The following CCDC187 variants were observed in gnomAD, a reference collection of about 807,000 sequenced individuals.
The protein encoded by CCDC187 is coiled-coil domain containing 187.
In CCDC187, 32 loss-of-function variants were observed where a neutral mutation model predicts 38.0. The observed-to-expected ratio is 0.84, with a 90% CI of 0.64 to 1.13. The LOEUF is 1.13. CCDC187 is among the 50% of genes most tolerant of loss of function. The pLI is 0.00. For missense variants in CCDC187, 707 were observed against 786.8 expected (o/e 0.90, Z 1.21); for synonymous variants, 333 against 347.9 (o/e 0.96, Z 0.48).
Position 136,291,608 on chromosome 9 carries a change from C to T in CCDC187, c.1005G>A (p.Pro335=), listed in dbSNP as rs989279824. The T allele has an allele frequency of 1.5e-5, 6 of 398,786 alleles. No individual in the cohort carries two copies. The highest frequency in any genetic ancestry group is 3.6e-5 in the East Asian group (1 of 28,072). 24.7% of individuals were successfully genotyped at this position (398,786 alleles called of 1,614,324 possible). ...SEKVIAAKCS[P]VCAQLPDATS... ...TGGCATCGGGCAACTGGGCACAAAC[C>T]GGTGAGCACTTGGCAGCTATGACTT... is the stretch of plus-strand genomic sequence containing the variant. The change falls in exon 6 of 26, where the codon CCG becomes CCA. Residue 335 remains proline, a synonymous_variant. Transcript: ENST00000638797.
chr9:136,272,219 C>T lies in CCDC187; in HGVS notation c.3442+2439G>A, dbSNP rs143733020. Among the ~76,000 whole-genome samples the T allele has an allele frequency of 5.9e-3, 891 of 152,178 alleles. 6 individuals carry two copies. Among genetic ancestry groups the T allele is most frequent in the Middle Eastern group, 0.031 (9 of 294 alleles). On this transcript the variant is annotated intron_variant, in intron 14 of 25. Coordinates refer to ENST00000638797, the MANE Select transcript of CCDC187 (RefSeq NM_001378188.1). ...ATGCGGGTTAGAAATCTACATCTAC[C>T]GGAAGCAATGGAGAGCACCAGAAAT...
intron 4 of CCDC187, among the ~76,000 whole-genome samples, chr9:136,293,334 C>A (rs1831403131): frequency 6.7e-6 from 1 of 149,598 alleles, no homozygotes. Flanking sequence ...CATGCTTACA[C>A]ACTCACACTC....
At chr9:136,302,169 CAG>C (rs1396636454) in intron 2 of CCDC187, among the ~76,000 whole-genome samples, 1 of 152,040 alleles carries the variant, frequency 6.6e-6, no homozygotes, top group African/African-American at 2.4e-5. Flanking sequence ...GCCTGGGTGA[CAG>C]AGCGAGACTC....
upstream of CCDC187, among the ~76,000 whole-genome samples, chr9:136,304,645 A>G (rs1490607900): frequency 6.6e-6 from 1 of 151,980 alleles, no homozygotes; most frequent in Non-Finnish European, 1.5e-5. Flanking sequence ...CCTGAGGGGA[A>G]CTCAGACTCA....
intron 23 of CCDC187, 27 bp from the exon 24 acceptor site, chr9:136,256,350 T>C (rs1333993839): frequency 1.0e-6 from 1 of 964,966 alleles, no homozygotes; most frequent in Non-Finnish European, 1.2e-6. Context: ...GAAATGACAC[T>C]GTTGGGGTGT....
At chr9:136,301,502 G>T (rs879082064) in intron 2 of CCDC187, among the ~76,000 whole-genome samples, 130,341 of 151,658 alleles carry the variant, frequency 0.86, 56,026 homozygotes, top group South Asian at 0.89. Flanking sequence ...GGTGGTGGCT[G>T]CAGGACCGTG....
chr9:136,282,184 T>C (rs1347906540), intron 9 of CCDC187, among the ~76,000 whole-genome samples: 1 of 152,308 alleles, frequency 6.6e-6, no homozygotes, highest in East Asian at 1.9e-4. Context: ...GCTGTGACCC[T>C]CACCCCACTG....
intron 7 of CCDC187, among the ~76,000 whole-genome samples, chr9:136,287,797 A>C (rs1468299308): frequency 3.9e-5 from 6 of 152,186 alleles, no homozygotes; most frequent in Non-Finnish European, 7.4e-5. Context: ...GGTGGCTGCC[A>C]AGGGCTGGGG....
chr9:136,283,517 C>T (rs1831096707), intron 9 of CCDC187, among the ~76,000 whole-genome samples: 1 of 152,268 alleles, frequency 6.6e-6, no homozygotes, highest in African/African-American at 2.4e-5. Context: ...TGCTCTCCAC[C>T]AGCCCGGGTC....
intron 9 of CCDC187, among the ~76,000 whole-genome samples, chr9:136,285,002 G>A (rs1831140385): frequency 6.6e-6 from 1 of 152,060 alleles, no homozygotes; most frequent in Admixed American, 6.5e-5. Flanking sequence ...GGCTGAGAGG[G>A]GCCTGGGGGC....
Position 136,267,455 on chromosome 9 carries a change from C to T in CCDC187, c.3576G>A (p.Leu1192=), listed in dbSNP as rs1255440281. The part of the protein sequence containing the change: ...EELRAQHQAA[L]LRLREMALQE... ...GGAGCGCCATCTCTCGCAGGCGCAGCAGCGCGGCCTGGTGCTGTGCTCGCA... is the reference window on the plus strand; with the variant it reads ...GGAGCGCCATCTCTCGCAGGCGCAGTAGCGCGGCCTGGTGCTGTGCTCGCA... Residue 1192 remains leucine, a synonymous_variant, in exon 16 of 26, where the codon CTG becomes CTA. Coordinates refer to ENST00000638797, the MANE Select transcript of CCDC187 (RefSeq NM_001378188.1). The T allele has an allele frequency of 3.0e-6, 3 of 985,556 alleles. No individual in the cohort carries two copies. Among genetic ancestry groups the T allele is most frequent in the Admixed American group, 6.1e-5 (1 of 16,276 alleles). 61.1% of individuals were successfully genotyped at this position (985,556 alleles called of 1,614,324 possible).
At chr9:136,299,943 A>AAAAC (rs1283342799) in intron 3 of CCDC187, among the ~76,000 whole-genome samples, 1 of 152,208 alleles carries the variant, frequency 6.6e-6, no homozygotes, top group Non-Finnish European at 1.5e-5. Context: ...TCTCTCAGCA[A>AAAAC]AAACAAACAA....
In CCDC187 at chr9:136,286,707, G is replaced by C. The variant is rs1260922080; in HGVS notation, c.2223-12C>G. Reference sequence around the variant, plus strand: ...AACACAGGCAGAAGCTGCAGGAAGAGAGACGTGGACAGATCAGCTCAGGCT... The same window carrying C: ...AACACAGGCAGAAGCTGCAGGAAGACAGACGTGGACAGATCAGCTCAGGCT... On this transcript the variant is annotated splice_polypyrimidine_tract_variant and intron_variant, in intron 7 of 25. Transcript: ENST00000638797. 5.0e-6 allele frequency: 2 copies of C among 398,758 alleles called. No individual in the cohort carries two copies. The highest frequency in any genetic ancestry group is 8.8e-6 in the Non-Finnish European group (2 of 226,190). 24.7% of individuals were successfully genotyped at this position (398,758 alleles called of 1,614,324 possible).
chr9:136,283,754 G>A (rs1054940437), intron 9 of CCDC187, among the ~76,000 whole-genome samples: 73 of 152,318 alleles, frequency 4.8e-4, no homozygotes, highest in African/African-American at 1.6e-3. Context: ...GACAGATCTA[G>A]CTGGTCCCCC....
At chr9:136,284,382 G>A (rs879149768) in intron 9 of CCDC187, among the ~76,000 whole-genome samples, 99,220 of 151,694 alleles carry the variant, frequency 0.65, 32,556 homozygotes, top group East Asian at 0.77. Flanking sequence ...CGCATTGAGG[G>A]TGCACAGAGC....
chr9:136,290,884 C>G lies in CCDC187; in HGVS notation c.1729G>C (p.Gly577Arg). ...CCCTGGGGGCCGGCCCTCTGCACGC[C>G]GGAGCTGCTCCAGGGCCGCTGGGCT... ...PPAQRPWSSS[G>R]VQRAGPQGKG... is the part of the protein sequence containing the mutation. The change falls in exon 6 of 26, where the codon GGC becomes CGC. Residue 577 changes from glycine to arginine, a missense_variant. Physicochemically the swap from Gly to Arg is moderately radical, Grantham distance 125. Coordinates refer to ENST00000638797, the MANE Select transcript of CCDC187 (RefSeq NM_001378188.1). The G allele has an allele frequency of 5.0e-6, 2 of 398,586 alleles. No individual in the cohort carries two copies. Among genetic ancestry groups the G allele is most frequent in the Non-Finnish European group, 8.8e-6 (2 of 226,040 alleles). The allele number at this position is 398,586 out of a possible 1,614,324, so 24.7% of individuals were successfully genotyped here. A position where few individuals can be genotyped will look rare whatever the true frequency, so the allele number is the denominator to read the frequency against.
In CCDC187 at chr9:136,251,785, C is replaced by G. The variant is rs550422709; in HGVS notation, c.*1809G>C. 6.5e-6 allele frequency: 1 copy of G among 154,330 alleles called. No homozygotes were observed. Among genetic ancestry groups the G allele is most frequent in the Middle Eastern group, 3.4e-3 (1 of 298 alleles). The allele number at this position is 154,330 out of a possible 1,614,324, so 9.6% of individuals were successfully genotyped here. A position where few individuals can be genotyped will look rare whatever the true frequency, so the allele number is the denominator to read the frequency against. On this transcript the variant is annotated 3_prime_UTR_variant, in exon 26 of 26. Transcript: ENST00000638797. The stretch of plus-strand genomic sequence containing the variant: ...GATGCGAAGAAGCAGGTGTGCAGTC[C>G]GGGCCTGGCTTCAGGTGACCGTCCC...
chr9:136,263,685 G>A lies in CCDC187; in HGVS notation c.3849C>T (p.Pro1283=). 1 of 985,442 alleles carries A rather than the reference G, an allele frequency of 1.0e-6. No individual in the cohort carries two copies. The highest frequency in any genetic ancestry group is 4.7e-5 in the South Asian group (1 of 21,288). 61.0% of individuals were successfully genotyped at this position (985,442 alleles called of 1,614,324 possible). ...GGACGACGTCCGTGGGCCCCGGGAT[G>A]GGGAGGATGTCCACAGGCCCCGGCA... The part of the protein sequence containing the change: ...VSMPGPVDIL[P]IPGPTDVVPA... The change falls in exon 18 of 26, where the codon CCC becomes CCT. Residue 1283 remains proline (P), a synonymous_variant. Transcript: ENST00000638797.
rs1831278342 is a variant in CCDC187 at position 136,290,004 on chromosome 9, T to C, written c.2177A>G (p.Lys726Arg). 2.5e-6 allele frequency: 1 copy of C among 397,872 alleles called. No homozygotes were observed. Among genetic ancestry groups the C allele is most frequent in the African/African-American group, 2.1e-5 (1 of 48,528 alleles). 24.6% of individuals were successfully genotyped at this position (397,872 alleles called of 1,614,324 possible). A position where few individuals can be genotyped will look rare whatever the true frequency, so the allele number is the denominator to read the frequency against. ...CCCCAGCACCATGCCAGAGGTCACT[T>C]TGCTCCATTCCAGCACTGGGGACTC... ...SLESPVLEWS[K>R]VTSGMVLGGQ... The change falls in exon 7 of 26, where the codon AAA becomes AGA. Residue 726 changes from lysine (K) to arginine (R), a missense_variant. Physicochemically the swap from Lys to Arg is conservative, Grantham distance 26. Coordinates refer to ENST00000638797, the MANE Select transcript of CCDC187 (RefSeq NM_001378188.1).
Sources: gnomAD v4.1 joint callset for allele counts (sites outside exome capture counted in the v4.1 genomes callset) on GRCh38, gnomAD v4.1.1 for gene constraint, MANE v1.5 for transcripts, NCBI Gene and HGNC (gene_info 2026-07-23, HGNC 2026-07-21) for gene names.